GSG1L: variants seen among roughly 807,000 people sequenced by gnomAD.
The protein encoded by GSG1L is GSG1 like.
Under a neutral mutation model 42.1 loss-of-function variants are expected in GSG1L, and 24 were observed. The ratio of observed to expected loss-of-function variants is 0.57; its 90% CI spans 0.41 to 0.80. The LOEUF is 0.80. Among genes scored for constraint, GSG1L ranks in the 30% least tolerant of loss-of-function variants. The pLI is 0.00. For missense variants in GSG1L, 445 were observed against 472.2 expected (o/e 0.94, Z 0.53); for synonymous variants, 215 against 203.5 (o/e 1.06, Z -0.48).
intron 1 of GSG1L, among the ~76,000 whole-genome samples, chr16:28,046,203 C>T (rs964914957): frequency 6.6e-6 from 1 of 152,038 alleles, no homozygotes; most frequent in Non-Finnish European, 1.5e-5. Context: ...CAGCTGCCCT[C>T]AGGATATTGA....
intron 1 of GSG1L, among the ~76,000 whole-genome samples, chr16:28,027,737 C>G (rs891999475): frequency 3.9e-5 from 6 of 152,038 alleles, no homozygotes; most frequent in African/African-American, 1.4e-4. Flanking sequence ...AAGTAAGAGT[C>G]TTGGCCAGGC....
chr16:27,947,565 G>GA, intron 2 of GSG1L, among the ~76,000 whole-genome samples: 1 of 86,756 alleles, frequency 1.2e-5, no homozygotes, highest in Admixed American at 1.0e-4. Context: ...AAGAAAGAAA[G>GA]AAAGAAAGAA....
intron 5 of GSG1L, among the ~76,000 whole-genome samples, chr16:27,808,911 T>C (rs896873587): frequency 1.3e-5 from 2 of 152,102 alleles, no homozygotes; most frequent in African/African-American, 4.8e-5. Context: ...GGCAGGTGCA[T>C]GGCCTCTGAC....
chr16:27,908,022 T>C (rs992992981), intron 2 of GSG1L, among the ~76,000 whole-genome samples: 16 of 152,074 alleles, frequency 1.1e-4, no homozygotes, highest in Non-Finnish European at 1.8e-4. Flanking sequence ...TTATTCACCC[T>C]TCCTGTGTCT....
At chr16:27,882,073 C>T (rs1644584) in intron 3 of GSG1L, among the ~76,000 whole-genome samples, 73,681 of 152,032 alleles carry the variant, frequency 0.48, 19,975 homozygotes, top group Middle Eastern at 0.62. Context: ...ATAATTCCCA[C>T]GTGTCATGGG....
chr16:27,834,243 C>G (rs2083300355), intron 4 of GSG1L, among the ~76,000 whole-genome samples: 2 of 152,012 alleles, frequency 1.3e-5, no homozygotes, highest in African/African-American at 4.8e-5. Context: ...GTGAATGACA[C>G]TGACTGATTT....
Position 27,828,868 on chromosome 16 carries a change from T to C in GSG1L, c.751A>G (p.Lys251Glu). 2 of 1,614,196 alleles carry C rather than the reference T, an allele frequency of 1.2e-6. No individual in the cohort carries two copies. Among genetic ancestry groups the C allele is most frequent in the South Asian group, 1.1e-5 (1 of 91,074 alleles). The change falls in exon 5 of 7, where the codon AAG becomes GAG. Residue 251 changes from lysine (K) to glutamate (E), a missense_variant. Lys to Glu is a moderately conservative substitution (Grantham distance 56, BLOSUM62 1). Around this residue, in one of 3 missense-constraint regions of GSG1L, gnomAD observed 140 missense variants for 120.6 expected, o/e 1.16. Coordinates refer to ENST00000447459, the MANE Select transcript of GSG1L (RefSeq NM_001109763.2). The part of the protein sequence containing the change: ...YTKTVIEFRH[K>E]RKVFEQGYRE... ...TAGCCCTGCTCAAAGACCTTGCGCT[T>C]GTGCCGGAACTCAATGACCGTCTTG... is the stretch of plus-strand genomic sequence containing the variant.
At chr16:27,947,851 G>A (rs1048901269) in intron 2 of GSG1L, among the ~76,000 whole-genome samples, 6 of 152,148 alleles carry the variant, frequency 3.9e-5, no homozygotes, top group African/African-American at 1.4e-4. Context: ...AAGTGGGACC[G>A]GCTCTCGGAG....
At chr16:27,893,741 A>G (rs1401872028) in intron 2 of GSG1L, among the ~76,000 whole-genome samples, 1 of 151,858 alleles carries the variant, frequency 6.6e-6, no homozygotes, top group Non-Finnish European at 1.5e-5. Context: ...CACCATGCCC[A>G]GCTAATTTTT....
At chr16:27,910,999 C>T (rs1159985828) in intron 2 of GSG1L, among the ~76,000 whole-genome samples, 3 of 151,998 alleles carry the variant, frequency 2.0e-5, no homozygotes, top group East Asian at 1.9e-4. Context: ...GGTGACAGAG[C>T]AAGAACCTGT....
chr16:28,057,240 G>A (rs548941990), intron 1 of GSG1L, among the ~76,000 whole-genome samples: 231 of 152,260 alleles, frequency 1.5e-3, no homozygotes, highest in Admixed American at 5.6e-3. Context: ...TCCAGCCACC[G>A]GGTGGAGAAA....
At position 28,017,510 on chromosome 16, in the gene GSG1L, A is replaced by G. The variant is rs1596704449; in HGVS notation, c.349+45566T>C. Among the ~76,000 whole-genome samples, 6 of 152,358 alleles carry G rather than the reference A, an allele frequency of 3.9e-5. No individual in the cohort carries two copies. The Middle Eastern group carries it at 0.01, about 259-fold the overall frequency. On this transcript the variant is annotated intron_variant, in intron 1 of 6. Coordinates refer to ENST00000447459, the MANE Select transcript of GSG1L (RefSeq NM_001109763.2). ...ACTCTTCCCTGTGGCACCCTGAGCC[A>G]TGGACAAGAATGTTTAGAGCAGACG...
intron 1 of GSG1L, among the ~76,000 whole-genome samples, chr16:28,052,431 G>C (rs1159157600): frequency 3.3e-5 from 5 of 152,082 alleles, no homozygotes; most frequent in African/African-American, 9.7e-5. Flanking sequence ...GCTGGCCCCA[G>C]GTCTCTGCTC....
In GSG1L at chr16:27,807,506, G is replaced by A. The variant is rs1310789939; in HGVS notation, c.879C>T (p.Arg293=). 3 of 1,613,260 alleles carry A rather than the reference G, an allele frequency of 1.9e-6. No homozygotes were observed. The Admixed American group carries it at 5.0e-5, about 27-fold the overall frequency. The change falls in exon 6 of 7, where the codon CGC becomes CGT. Residue 293 remains arginine, a synonymous_variant. Coordinates refer to ENST00000447459, the MANE Select transcript of GSG1L (RefSeq NM_001109763.2). ...GSEEDFHLDC[R]HERYPARHQP... Reference sequence around the variant, plus strand: ...ACTTACGGGCAGGGTATCTCTCGTGGCGGCAGTCTAAGTGAAAGTCCTCCT... The same window carrying A: ...ACTTACGGGCAGGGTATCTCTCGTGACGGCAGTCTAAGTGAAAGTCCTCCT...
intron 3 of GSG1L, among the ~76,000 whole-genome samples, chr16:27,882,562 A>G (rs1003629852): frequency 6.6e-6 from 1 of 152,102 alleles, no homozygotes; most frequent in African/African-American, 2.4e-5. Context: ...AGTTCCCAGA[A>G]TATGCCGCAT....
intron 5 of GSG1L, among the ~76,000 whole-genome samples, chr16:27,817,957 C>T (rs1256886129): frequency 1.3e-5 from 2 of 152,196 alleles, no homozygotes; most frequent in Admixed American, 6.5e-5. Context: ...ATCCTCCAGC[C>T]CAGTACTTCG....
chr16:27,970,029 C>A (rs2085176653), intron 1 of GSG1L, among the ~76,000 whole-genome samples: 1 of 152,056 alleles, frequency 6.6e-6, no homozygotes, highest in South Asian at 2.1e-4. Context: ...TCTTCTCAGA[C>A]CCTTTGCCCA....
At chr16:27,998,845 C>T (rs1194134027) in intron 1 of GSG1L, among the ~76,000 whole-genome samples, 3 of 151,854 alleles carry the variant, frequency 2.0e-5, no homozygotes, top group Non-Finnish European at 4.4e-5. Context: ...GACTCTGAAC[C>T]AGTCCCTCCA....
intron 1 of GSG1L, among the ~76,000 whole-genome samples, chr16:28,036,305 A>ACGACTGC (rs1419888331): frequency 1.3e-5 from 2 of 152,152 alleles, no homozygotes; most frequent in African/African-American, 4.8e-5. Context: ...CCAGTCCCCT[A>ACGACTGC]AAGGCCACAG....
Sources: gnomAD v4.1 joint callset for allele counts (sites outside exome capture counted in the v4.1 genomes callset) on GRCh38, gnomAD v4.1.1 for gene constraint, gnomAD v4.1.1 regional missense constraint, MANE v1.5 for transcripts, NCBI Gene and HGNC (gene_info 2026-07-23, HGNC 2026-07-21) for gene names.